The following ZNF57 variants were observed in gnomAD, a reference collection of about 807,000 sequenced individuals.
ZNF57 encodes zinc finger protein 57.
A neutral mutation model predicts 13.4 loss-of-function variants in ZNF57; 11 were observed. That is an observed-to-expected ratio of 0.82 (90% CI 0.52 to 1.36). The LOEUF is 1.36. ZNF57 is among the 40% of genes most tolerant of loss of function. The probability of loss-of-function intolerance (pLI) is 0.00; values close to 1 mark genes in which losing one functional copy is unlikely to be tolerated. For synonymous variants in ZNF57, 224 were observed against 238.5 expected, an observed-to-expected ratio of 0.94 and a Z score of 0.56; for missense variants, 696 against 667.5, an observed-to-expected ratio of 1.04 and a Z score of -0.47.
At position 2,917,071 on chromosome 19, in the gene ZNF57, G is replaced by A. The variant is rs138327313; in HGVS notation, c.450G>A (p.Thr150=). ...GCACCAAGTGCAGGACAGTCTTCAC[G>A]CATCTTTCTTCTCTTAAAAGGCACG... ...YECTKCRTVF[T]HLSSLKRHVK... The change falls in exon 4 of 4, where the codon ACG becomes ACA. Residue 150 remains threonine, a synonymous_variant. Transcript: ENST00000306908. The A allele has an allele frequency of 1.9e-5, 31 of 1,614,104 alleles. No homozygotes were observed. The African/African-American group carries it at 2.8e-4, about 15-fold the overall frequency.
At chr19:2,912,826 AG>A (rs1568182156) in intron 1 of ZNF57, among the ~76,000 whole-genome samples, 1 of 152,056 alleles carries the variant, frequency 6.6e-6, no homozygotes, top group Non-Finnish European at 1.5e-5. Flanking sequence ...TTTCTTTTTT[AG>A]TTTTTTATTT....
chr19:2,916,419 G>A (rs1387601299), intron 3 of ZNF57, 170 bp downstream of exon 3: 2 of 641,416 alleles, frequency 3.1e-6, no homozygotes, highest in Non-Finnish European at 5.0e-6. Context: ...ATTGTTAGAA[G>A]TAATTACAGG....
chr19:2,916,967 C>G lies in ZNF57; in HGVS notation c.346C>G (p.Gln116Glu), dbSNP rs753405591. The change falls in exon 4 of 4, where the codon CAA becomes GAA. Residue 116 changes from glutamine to glutamate, a missense_variant. Gln to Glu is a conservative substitution (Grantham distance 29). Coordinates refer to ENST00000306908, the MANE Select transcript of ZNF57 (RefSeq NM_173480.3). ...DRFCTHNEGN[Q>E]YGEAIHQMPD... Reference sequence around the variant, plus strand: ...ATTCTGTACACATAATGAAGGTAATCAATATGGAGAAGCCATCCATCAAAT... The same window carrying G: ...ATTCTGTACACATAATGAAGGTAATGAATATGGAGAAGCCATCCATCAAAT... The G allele has an allele frequency of 6.2e-7, 1 of 1,611,166 alleles. No individual in the cohort carries two copies. The highest frequency in any genetic ancestry group is 8.5e-7 in the Non-Finnish European group (1 of 1,178,954).
chr19:2,904,002 A>G (rs2088052099), intron 1 of ZNF57, among the ~76,000 whole-genome samples: 1 of 152,204 alleles, frequency 6.6e-6, no homozygotes, highest in Non-Finnish European at 1.5e-5. Context: ...GGCGTGAGCC[A>G]CCGCGCCCGG....
rs150207654 is a variant in ZNF57, at chr19:2,917,988, C to T, written c.1367C>T (p.Ala456Val). The change falls in exon 4 of 4, where the codon GCC (alanine) becomes GTC (valine). Residue 456 changes from alanine to valine, a missense_variant. Physicochemically the swap from Ala to Val is moderately conservative, Grantham distance 64. Around this residue, in one of 3 missense-constraint regions of ZNF57, gnomAD observed 645 missense variants for 591.5 expected, o/e 1.09. Coordinates refer to ENST00000306908, the MANE Select transcript of ZNF57 (RefSeq NM_173480.3). ...QLHKCEHCGKAFTSSRAFQGH... is the reference protein window; with the variant it reads ...QLHKCEHCGKVFTSSRAFQGH... ...CATAAATGTGAACACTGTGGGAAGG[C>T]CTTTACCTCTTCCAGAGCATTCCAA... The T allele has an allele frequency of 6.2e-7, 1 of 1,613,760 alleles. No homozygotes were observed. Among genetic ancestry groups the T allele is most frequent in the Non-Finnish European group, 8.5e-7 (1 of 1,179,894 alleles).
Position 2,916,156 on chromosome 19 carries a change from C to CA in ZNF57, c.211dup (p.Ile71AsnfsTer8). 1 of 1,613,946 alleles carries CA rather than the reference C, an allele frequency of 6.2e-7. No individual in the cohort carries two copies. Among genetic ancestry groups the CA allele is most frequent in the Non-Finnish European group, 8.5e-7 (1 of 1,179,970 alleles). On this transcript the variant is annotated frameshift_variant, in exon 3 of 4. Coordinates refer to ENST00000306908, the MANE Select transcript of ZNF57 (RefSeq NM_173480.3). LOFTEE classifies it high-confidence loss of function. ...GGGCAAGAAAAATCTAAGGAACAGA[C>CA]AATACCAAACTTCACAGGAAATAAT... is the stretch of plus-strand genomic sequence containing the variant.
chr19:2,918,387 T>C lies in ZNF57; in HGVS notation c.*98T>C, dbSNP rs1453863960. The C allele has an allele frequency of 3.7e-6, 5 of 1,337,054 alleles. No homozygotes were observed. The highest frequency in any genetic ancestry group is 1.5e-5 in the African/African-American group (1 of 67,972). The allele number at this position is 1,337,054 out of a possible 1,614,324, so 82.8% of individuals were successfully genotyped here. ...GGAGAGAAATCTTACAAGTATGATA[T>C]TGTCTTTGTCAATACCTCATTTGTA... On this transcript the variant is annotated 3_prime_UTR_variant, in exon 4 of 4. Coordinates refer to ENST00000306908, the MANE Select transcript of ZNF57 (RefSeq NM_173480.3).
At chr19:2,908,645 C>T (rs2088098936) in intron 1 of ZNF57, among the ~76,000 whole-genome samples, 1 of 151,756 alleles carries the variant, frequency 6.6e-6, no homozygotes, top group African/African-American at 2.4e-5. Flanking sequence ...CCTCGTGATC[C>T]GCCCTCCTCG....
At chr19:2,916,657 A>C (rs1447873656) in intron 3 of ZNF57, 1 of 276,732 alleles carries the variant, frequency 3.6e-6, no homozygotes, top group Non-Finnish European at 6.8e-6. Context: ...CAGAGCTTGC[A>C]GTGAGCTGAG....
chr19:2,904,173 A>G (rs117378702), intron 1 of ZNF57, among the ~76,000 whole-genome samples: 2,606 of 152,250 alleles, frequency 0.017, 32 homozygotes, highest in Non-Finnish European at 0.027. Context: ...TGAAATTTCA[A>G]TAAGTGACTG....
Position 2,916,955 on chromosome 19 carries a change from A to G in ZNF57, c.334A>G (p.Asn112Asp). Residue 112 changes from asparagine (N) to aspartate (D), a missense_variant, in exon 4 of 4, where the codon AAT (asparagine) becomes GAT (aspartate). Around this residue, in one of 3 missense-constraint regions of ZNF57, gnomAD observed 645 missense variants for 591.5 expected, o/e 1.09. Transcript: ENST00000306908. ...NHMVDRFCTH[N>D]EGNQYGEAIH... ...TATGGTGGACAGATTCTGTACACAT[A>G]ATGAAGGTAATCAATATGGAGAAGC... The G allele has an allele frequency of 1.2e-6, 2 of 1,608,642 alleles. No individual in the cohort carries two copies.
rs540357221 is a variant in ZNF57 at position 2,901,161 on chromosome 19, C to T, written c.3+113C>T. On this transcript the variant is annotated intron_variant, in intron 1 of 3. Coordinates refer to ENST00000306908, the MANE Select transcript of ZNF57 (RefSeq NM_173480.3). ...ATTGGCTGAGGGACGCGCGGGGCGGCGCAGGACTAGCACCTGGGACCCGGG... is the reference window on the plus strand; with the variant it reads ...ATTGGCTGAGGGACGCGCGGGGCGGTGCAGGACTAGCACCTGGGACCCGGG... 4.6e-4 allele frequency: 624 copies of T among 1,351,284 alleles called. No individual in the cohort carries two copies. In the African/African-American group the frequency reaches 7.3e-3, roughly 16 times the overall value. The allele number at this position is 1,351,284 out of a possible 1,614,324, so 83.7% of individuals were successfully genotyped here.
rs1485218975 is a variant in ZNF57 at position 2,917,291 on chromosome 19, T to C, written c.670T>C (p.Tyr224His). 2 of 1,614,060 alleles carry C rather than the reference T, an allele frequency of 1.2e-6. No individual in the cohort carries two copies. Among genetic ancestry groups the C allele is most frequent in the Non-Finnish European group, 8.5e-7 (1 of 1,179,960 alleles). Residue 224 changes from tyrosine to histidine, a missense_variant, in exon 4 of 4, where the codon TAC (tyrosine) becomes CAC (histidine). Physicochemically the swap from Tyr to His is moderately conservative, Grantham distance 83. Around this residue, in one of 3 missense-constraint regions of ZNF57, gnomAD observed 645 missense variants for 591.5 expected, o/e 1.09. Coordinates refer to ENST00000306908, the MANE Select transcript of ZNF57 (RefSeq NM_173480.3). ...AAAGACTCACACAGCAGAGAAAACC[T>C]ACAAATGCGAGCAGTGTCGGATGGC... is the stretch of plus-strand genomic sequence containing the variant. ...HVKTHTAEKT[Y>H]KCEQCRMAFN...
intron 1 of ZNF57, 52 bp downstream of exon 1, chr19:2,901,100 G>C: frequency 2.0e-6 from 3 of 1,476,816 alleles, no homozygotes; most frequent in Non-Finnish European, 2.7e-6. Flanking sequence ...GACGGGAACC[G>C]GCTGGAACCA....
intron 1 of ZNF57, among the ~76,000 whole-genome samples, chr19:2,902,137 C>T (rs558644738): frequency 2.1e-5 from 3 of 140,748 alleles, no homozygotes; most frequent in Non-Finnish European, 4.5e-5. Context: ...GACCATGGTG[C>T]GGCCAGCTCA....
rs780818389 is a variant in ZNF57, at chr19:2,918,028, G to A, written c.1407G>A (p.Met469Ile). ...GAGCATTCCAAGGTCATTTGAGGAT[G>A]CACACTGGAGAGAAGCCTTATGAGT... is the stretch of plus-strand genomic sequence containing the variant. ...SSRAFQGHLR[M>I]HTGEKPYECK... The change falls in exon 4 of 4, where the codon ATG (methionine) becomes ATA (isoleucine). Residue 469 changes from methionine (M) to isoleucine (I), a missense_variant. Coordinates refer to ENST00000306908, the MANE Select transcript of ZNF57 (RefSeq NM_173480.3). 11 of 1,614,170 alleles carry A rather than the reference G, an allele frequency of 6.8e-6. No homozygotes were observed. Among genetic ancestry groups the A allele is most frequent in the African/African-American group, 1.3e-5 (1 of 75,030 alleles).
At chr19:2,906,006 C>G (rs575548720) in intron 1 of ZNF57, among the ~76,000 whole-genome samples, 2 of 152,270 alleles carry the variant, frequency 1.3e-5, no homozygotes, top group East Asian at 3.9e-4. Flanking sequence ...TCTCATTTCT[C>G]TCTCCTTTGA....
chr19:2,909,323 C>T, intron 1 of ZNF57, among the ~76,000 whole-genome samples: 1 of 89,896 alleles, frequency 1.1e-5, no homozygotes, highest in East Asian at 3.1e-4. Flanking sequence ...CTCTGTCGCC[C>T]AGGCTGGAGT....
intron 1 of ZNF57, among the ~76,000 whole-genome samples, chr19:2,907,965 C>T (rs1016414202): frequency 6.6e-6 from 1 of 152,182 alleles, no homozygotes; most frequent in Non-Finnish European, 1.5e-5. Context: ...CTTCCTGCCT[C>T]GGCCTCCCAA....
Sources: gnomAD v4.1 joint callset for allele counts (sites outside exome capture counted in the v4.1 genomes callset) on GRCh38, gnomAD v4.1.1 for gene constraint, gnomAD v4.1.1 regional missense constraint, MANE v1.5 for transcripts, NCBI Gene and HGNC (gene_info 2026-07-23, HGNC 2026-07-21) for gene names.